CCDC102B: variants seen among roughly 807,000 people sequenced by gnomAD.
CCDC102B encodes the protein coiled-coil domain-containing protein 102B.
Under a neutral mutation model 57.4 loss-of-function variants are expected in CCDC102B, and 75 were observed. The ratio of observed to expected loss-of-function variants is 1.31; its 90% CI spans 1.08 to 1.58. CCDC102B has a LOEUF of 1.58. Ranked by LOEUF, CCDC102B falls within the 40% of genes most tolerant of loss-of-function variation. CCDC102B has a pLI of 0.00. For missense variants in CCDC102B, 636 were observed against 582.6 expected (o/e 1.09, Z -0.94); for synonymous variants, 206 against 201.9 (o/e 1.02, Z -0.17).
intron 4 of CCDC102B, among the ~76,000 whole-genome samples, chr18:68,860,841 A>G (rs1599587569): frequency 7.0e-6 from 1 of 143,430 alleles, no homozygotes; most frequent in Admixed American, 7.2e-5. Flanking sequence ...TTCCCACCTC[A>G]AAATAGAATA....
chr18:68,715,439 G>A, intron 1 of CCDC102B: 1 of 186,572 alleles, frequency 5.4e-6, no homozygotes, highest in South Asian at 1.4e-4. Context: ...GAGTGCACCT[G>A]TGGGTTTTGA....
At chr18:68,845,503 G>A (rs1229669127) in intron 3 of CCDC102B, among the ~76,000 whole-genome samples, 3 of 151,748 alleles carry the variant, frequency 2.0e-5, no homozygotes, top group Non-Finnish European at 3.0e-5. Flanking sequence ...TAGAATTGAG[G>A]AATGAGGAAA....
chr18:68,991,981 T>A (rs2050879956), intron 6 of CCDC102B, among the ~76,000 whole-genome samples: 1 of 152,192 alleles, frequency 6.6e-6, no homozygotes, highest in Non-Finnish European at 1.5e-5. Flanking sequence ...AAAAATATGA[T>A]CTGGCTTATT....
intron 6 of CCDC102B, among the ~76,000 whole-genome samples, chr18:68,998,350 CAT>C (rs2051089703): frequency 6.8e-6 from 1 of 147,532 alleles, no homozygotes; most frequent in Non-Finnish European, 1.5e-5. Flanking sequence ...TACATACACA[CAT>C]GTATATATAC....
chr18:68,833,749 A>G (rs997219613), intron 1 of CCDC102B, among the ~76,000 whole-genome samples: 1 of 152,078 alleles, frequency 6.6e-6, no homozygotes, highest in Non-Finnish European at 1.5e-5. Context: ...AACAAATAAT[A>G]TTTTTTAGTG....
At chr18:68,755,359 C>T (rs749309) in intron 2 of CCDC102B, among the ~76,000 whole-genome samples, 25,029 of 152,058 alleles carry the variant, frequency 0.16, 2,098 homozygotes, top group East Asian at 0.3. Context: ...CCCGCTGTGG[C>T]TGATGTGGGC....
intron 7 of CCDC102B, among the ~76,000 whole-genome samples, chr18:69,037,101 T>C (rs1033591946): frequency 1.1e-4 from 16 of 151,964 alleles, no homozygotes; most frequent in African/African-American, 3.9e-4. Flanking sequence ...GCAAAGTTTC[T>C]GCATTGCATG....
At chr18:68,809,758 A>G (rs1018235300) in intron 1 of CCDC102B, among the ~76,000 whole-genome samples, 2 of 152,306 alleles carry the variant, frequency 1.3e-5, no homozygotes, top group Non-Finnish European at 2.9e-5. Context: ...TATTTGTCGA[A>G]TGAATAAATT....
chr18:68,941,608 T>C (rs1337821044), intron 6 of CCDC102B, among the ~76,000 whole-genome samples: 3 of 152,158 alleles, frequency 2.0e-5, no homozygotes, highest in African/African-American at 7.2e-5. Context: ...ATTAAGAAGT[T>C]ACTGTTTTAA....
chr18:68,875,286 G>T (rs1043347431), intron 5 of CCDC102B, among the ~76,000 whole-genome samples: 8 of 152,126 alleles, frequency 5.3e-5, no homozygotes, highest in African/African-American at 1.9e-4. Context: ...AACAATAAAT[G>T]AATTTTCGCA....
intron 2 of CCDC102B, among the ~76,000 whole-genome samples, chr18:68,755,930 A>G (rs2034032679): frequency 6.6e-6 from 1 of 151,712 alleles, no homozygotes. Context: ...ACTGTTCTAA[A>G]TAAATATCAA....
chr18:68,857,190 TA>T lies in CCDC102B; in HGVS notation c.936+10770del, dbSNP rs1406984450. 1.0e-3 allele frequency among the ~76,000 whole-genome samples: 64 copies of T among 63,052 alleles called. 3 individuals are homozygous for T. The highest frequency in any genetic ancestry group is 2.2e-3 in the African/African-American group (27 of 12,388). 41.4% of individuals were successfully genotyped at this position (63,052 alleles called of 152,430 possible). On this transcript the variant is annotated intron_variant, in intron 4 of 7. Coordinates refer to ENST00000360242, the MANE Select transcript of CCDC102B (RefSeq NM_024781.3). ...TATATAATATATAAAAATATATTTA[TA>T]TATTTTTATATAATATATAAAAATA...
chr18:68,933,402 A>G (rs2041744599), intron 6 of CCDC102B, among the ~76,000 whole-genome samples: 1 of 151,880 alleles, frequency 6.6e-6, no homozygotes. Context: ...TTGGAGGCCA[A>G]ATATTCTTAG....
At chr18:69,030,329 T>C (rs2052104872) in intron 7 of CCDC102B, among the ~76,000 whole-genome samples, 2 of 152,210 alleles carry the variant, frequency 1.3e-5, no homozygotes, top group African/African-American at 4.8e-5. Flanking sequence ...AAATCCTGAT[T>C]ATTTCAGATA....
chr18:68,813,774 T>TTATATATATATATATATA lies in CCDC102B; in HGVS notation c.-16+15595_-16+15612dup, dbSNP rs142225933. On this transcript the variant is annotated intron_variant, in intron 1 of 7. Transcript: ENST00000360242. ...GATGAAGTCATATTAAAATATAATT[T>TTATATATATATATATATA]TATATATATATATATATATCTTTAG... Among the ~76,000 whole-genome samples the TTATATATATATATATATA allele has an allele frequency of 3.4e-3, 489 of 145,878 alleles. 2 individuals are homozygous for TTATATATATATATATATA. Among genetic ancestry groups the TTATATATATATATATATA allele is most frequent in the African/African-American group, 0.012 (467 of 39,592 alleles).
chr18:68,905,949 A>G (rs962490169), intron 6 of CCDC102B, among the ~76,000 whole-genome samples: 3 of 151,188 alleles, frequency 2.0e-5, no homozygotes, highest in African/African-American at 4.9e-5. Context: ...GCCCGCCACC[A>G]CGCCCGGCTA....
chr18:69,056,639 A>AGATAGATAGATG (rs1555678887), downstream of CCDC102B, among the ~76,000 whole-genome samples: 40,375 of 129,344 alleles, frequency 0.31, 6,143 homozygotes, highest in Non-Finnish European at 0.34. Flanking sequence ...GATAGATAAT[A>AGATAGATAGATG]GATAGATAGA....
chr18:69,056,338 T>C (rs1263838541), downstream of CCDC102B, among the ~76,000 whole-genome samples: 3 of 152,056 alleles, frequency 2.0e-5, no homozygotes, highest in Admixed American at 6.6e-5. Flanking sequence ...AAAACAACAA[T>C]GATTTTCTAT....
At chr18:68,719,285 A>G (rs2032196092) in intron 2 of CCDC102B, among the ~76,000 whole-genome samples, 1 of 152,230 alleles carries the variant, frequency 6.6e-6, no homozygotes, top group Non-Finnish European at 1.5e-5. Flanking sequence ...AAGCTTTATT[A>G]TGTGAATTGG....
Sources: allele counts gnomAD v4.1 joint callset (sites outside exome capture counted in the v4.1 genomes callset), GRCh38; gene constraint gnomAD v4.1.1; transcripts MANE v1.5; gene names NCBI Gene and HGNC (gene_info 2026-07-23, HGNC 2026-07-21).